ACADVL: variants seen among roughly 807,000 people sequenced by gnomAD.
ACADVL encodes acyl-CoA dehydrogenase very long chain.
Under a neutral mutation model 80.4 loss-of-function variants are expected in ACADVL, and 73 were observed. The observed-to-expected ratio is 0.91, with a 90% CI of 0.75 to 1.10. The LOEUF (loss-of-function observed/expected upper bound fraction) is 1.10, where lower values mean the gene tolerates loss of function less well. Ranked by LOEUF, ACADVL falls within the 50% of genes least tolerant of loss-of-function variation. The probability of loss-of-function intolerance (pLI) is 0.00; values close to 1 mark genes in which losing one functional copy is unlikely to be tolerated. For synonymous variants in ACADVL, 392 were observed against 326.5 expected, an observed-to-expected ratio of 1.20 and a Z score of -2.16; for missense variants, 878 against 858.9, an observed-to-expected ratio of 1.02 and a Z score of -0.28.
chr17:7,218,737 G>C (rs779152504), upstream of ACADVL: 2 of 1,572,288 alleles, frequency 1.3e-6, no homozygotes, highest in East Asian at 4.5e-5. Flanking sequence ...CTTCACCCCA[G>C]CCCCTACGGA....
At chr17:7,221,751 C>T in intron 7 of ACADVL, 69 bp downstream of exon 7, 2 of 1,609,078 alleles carry the variant, frequency 1.2e-6, no homozygotes, top group Non-Finnish European at 1.7e-6. Context: ...GGCCAGTTGG[C>T]ACTTAGATTA....
intron 6 of ACADVL, chr17:7,221,268 C>A: frequency 1.0e-6 from 1 of 971,732 alleles, no homozygotes; most frequent in Admixed American, 2.5e-5. Context: ...GTTCCCAAGT[C>A]CTTACAAATC....
intron 6 of ACADVL, 123 bp from the exon 7 acceptor site, chr17:7,221,414 GT>G (rs2071212105): frequency 6.9e-7 from 1 of 1,444,960 alleles, no homozygotes; most frequent in Non-Finnish European, 9.7e-7. Context: ...GATGGCCCAG[GT>G]CAGGCACTGC....
At position 7,222,801 on chromosome 17, in the gene ACADVL, A is replaced by C; in HGVS notation, c.1013A>C (p.Asn338Thr). 6.2e-7 allele frequency: 1 copy of C among 1,614,012 alleles called. No individual in the cohort carries two copies. The highest frequency in any genetic ancestry group is 8.5e-7 in the Non-Finnish European group (1 of 1,180,022). Residue 338 changes from asparagine (N) to threonine (T), a missense_variant, in exon 10 of 20, where the codon AAC (asparagine) becomes ACC (threonine). By Grantham distance (65) the Asn-to-Thr change is moderately conservative. Coordinates refer to ENST00000356839, the MANE Select transcript of ACADVL (RefSeq NM_000018.4). ...TTCAAGGTTGCCATGCACATCCTCA[A>C]CAATGGAAGGTTTGGCATGGCTGCG... ...SGFKVAMHIL[N>T]NGRFGMAAAL...
chr17:7,219,948 C>G lies in ACADVL; in HGVS notation c.-37C>G, dbSNP rs986919510. 6 of 915,456 alleles carry G rather than the reference C, an allele frequency of 6.6e-6. No homozygotes were observed. In the African/African-American group the frequency reaches 6.9e-5, roughly 11 times the overall value. 56.7% of individuals were successfully genotyped at this position (915,456 alleles called of 1,614,324 possible). A position where few individuals can be genotyped will look rare whatever the true frequency, so the allele number is the denominator to read the frequency against. On this transcript the variant is annotated 5_prime_UTR_variant, in exon 1 of 20. Coordinates refer to ENST00000356839, the MANE Select transcript of ACADVL (RefSeq NM_000018.4). ...GGCGTGCAGGACGCCAGAGCTGGGT[C>G]AGAGCTCGAGCCAGCGGCGCCCGGA...
At chr17:7,218,372 G>C (rs1465941857), upstream of ACADVL, 1 of 1,471,406 alleles carries the variant, frequency 6.8e-7, no homozygotes, top group Non-Finnish European at 9.3e-7. Context: ...TGGCTGGCAA[G>C]GGAGGAGCCC....
chr17:7,225,186 A>G lies in ACADVL; in HGVS notation c.*89A>G, dbSNP rs2071419703. On this transcript the variant is annotated 3_prime_UTR_variant, in exon 20 of 20. Coordinates refer to ENST00000356839, the MANE Select transcript of ACADVL (RefSeq NM_000018.4). ...TCCTTAAGGCCCTGGTTTGTCCCGA[A>G]GGGGCCTAGTGTTCCCAGCACTGTG... 7.6e-6 allele frequency: 12 copies of G among 1,580,406 alleles called. No individual in the cohort carries two copies. The highest frequency in any genetic ancestry group is 2.2e-5 in the South Asian group (2 of 90,248).
intron 6 of ACADVL, 110 bp downstream of exon 6, chr17:7,221,168 C>G: frequency 6.5e-7 from 1 of 1,546,250 alleles, no homozygotes; most frequent in South Asian, 1.1e-5. Context: ...TAAGCACCTG[C>G]CCTGGGTGCC....
chr17:7,217,584 G>T, upstream of ACADVL: 1 of 1,370,266 alleles, frequency 7.3e-7, no homozygotes, highest in Non-Finnish European at 9.5e-7. Context: ...AACGGCAGCG[G>T]CCGAGGGAGC....
chr17:7,220,331 G>A (rs1446163078), intron 2 of ACADVL, 133 bp from the exon 3 acceptor site: 5 of 1,531,478 alleles, frequency 3.3e-6, no homozygotes, highest in East Asian at 2.3e-5. Context: ...GAAAGGGCAA[G>A]CCAGGGTGCC....
rs112880188 is a variant in ACADVL at position 7,225,151 on chromosome 17, G to A, written c.*54G>A. 2.5e-5 allele frequency: 41 copies of A among 1,612,146 alleles called. No individual in the cohort carries two copies. Among genetic ancestry groups the A allele is most frequent in the Middle Eastern group, 1.7e-4 (1 of 5,850 alleles). On this transcript the variant is annotated 3_prime_UTR_variant, in exon 20 of 20. Coordinates refer to ENST00000356839, the MANE Select transcript of ACADVL (RefSeq NM_000018.4). ...ATGTGCCTTCCCTCAAGCCAAAGCC[G>A]AAGCCCCTTTCCTTAAGGCCCTGGT...
chr17:7,222,563 G>T, intron 9 of ACADVL, 104 bp from the exon 10 acceptor site: 1 of 1,294,162 alleles, frequency 7.7e-7, no homozygotes, highest in Non-Finnish European at 1.1e-6. Context: ...TAATAGTCTA[G>T]TGGTCGTCAT....
In ACADVL at chr17:7,220,513, A is replaced by T; in HGVS notation, c.188A>T (p.Lys63Ile). 1 of 1,614,206 alleles carries T rather than the reference A, an allele frequency of 6.2e-7. No homozygotes were observed. The highest frequency in any genetic ancestry group is 8.5e-7 in the Non-Finnish European group (1 of 1,180,028). Reference sequence around the variant, plus strand: ...CACCCCTCTGACGCTCTGACCAGGAAAAAACCGGCCAAGGCGGTAGGTAGC... The same window carrying T: ...CACCCCTCTGACGCTCTGACCAGGATAAAACCGGCCAAGGCGGTAGGTAGC... ...DSHPSDALTR[K>I]KPAKAESKSF... The change falls in exon 3 of 20, where the codon AAA becomes ATA. Residue 63 changes from lysine (K) to isoleucine (I), a missense_variant. Transcript: ENST00000356839.
At chr17:7,222,550 C>T (rs1298527693) in intron 9 of ACADVL, 117 bp from the exon 10 acceptor site, 2 of 1,230,856 alleles carry the variant, frequency 1.6e-6, no homozygotes, top group Non-Finnish European at 2.3e-6. Flanking sequence ...TGGCTGTAGC[C>T]TCTAATAGTC....
chr17:7,221,478 CTGT>C lies in ACADVL; in HGVS notation c.478-58_478-56del, dbSNP rs756675737. 5.6e-6 allele frequency: 9 copies of C among 1,612,838 alleles called. No homozygotes were observed. The African/African-American group carries it at 1.2e-4, about 22-fold the overall frequency. On this transcript the variant is annotated intron_variant, in intron 6 of 19. Transcript: ENST00000356839. The stretch of plus-strand genomic sequence containing the variant: ...GAACTGCCCTGTTGCCCACACTCTC[CTGT>C]TAAGGTCAGGTCCCCCTGCAGCCAG...
At position 7,223,192 on chromosome 17, in the gene ACADVL, C is replaced by T. The variant is rs561591640; in HGVS notation, c.1137C>T (p.Ile379=). 1.2e-6 allele frequency: 2 copies of T among 1,614,124 alleles called. No individual in the cohort carries two copies. The highest frequency in any genetic ancestry group is 2.2e-5 in the South Asian group (2 of 91,074). Residue 379 remains isoleucine, a synonymous_variant, in exon 11 of 20, where the codon ATC becomes ATT. Transcript: ENST00000356839. The part of the protein sequence containing the change: ...FGEKIHNFGL[I]QEKLARMVML... ...AGAAAATTCACAACTTTGGGCTGAT[C>T]CAGGAGAAGCTGGCACGGATGGTTA...
intron 9 of ACADVL, 155 bp from the exon 10 acceptor site, chr17:7,222,512 T>G: frequency 8.7e-7 from 1 of 1,148,400 alleles, no homozygotes; most frequent in Non-Finnish European, 1.2e-6. Flanking sequence ...CCAGGCCTCC[T>G]TAGCCCTCAG....
At position 7,221,941 on chromosome 17, in the gene ACADVL, C is replaced by T; in HGVS notation, c.623-11C>T. ...TCAGAACTTGGGGTAAAGTAGCTCTCTCCCCAACAGGGGAGACTGTGGCCG... is the reference window on the plus strand; with the variant it reads ...TCAGAACTTGGGGTAAAGTAGCTCTTTCCCCAACAGGGGAGACTGTGGCCG... On this transcript the variant is annotated splice_polypyrimidine_tract_variant and intron_variant, in intron 7 of 19. Transcript: ENST00000356839. The T allele has an allele frequency of 1.9e-6, 3 of 1,614,054 alleles. No homozygotes were observed. The African/African-American group carries it at 4.0e-5, about 22-fold the overall frequency.
chr17:7,219,934 C>CGCGGGCGTGCAGGAT, upstream of ACADVL: 6 of 1,577,084 alleles, frequency 3.8e-6, no homozygotes, highest in Non-Finnish European at 4.3e-6. Context: ...GCGTGCAGGA[C>CGCGGGCGTGCAGGAT]GCCAGAGCTG....
Sources: allele counts gnomAD v4.1 joint callset, GRCh38; gene constraint gnomAD v4.1.1; transcripts MANE v1.5; gene names NCBI Gene and HGNC (gene_info 2026-07-23, HGNC 2026-07-21).